Variants in SLC22A3 observed in about 807,000 individuals in gnomAD.
SLC22A3 encodes EMT organic cation transporter 3.
In SLC22A3, 51 loss-of-function variants were observed where a neutral mutation model predicts 59.1. The ratio of observed to expected loss-of-function variants is 0.86; its 90% confidence interval spans 0.69 to 1.09. The LOEUF (loss-of-function observed/expected upper bound fraction) is 1.09. SLC22A3 is among the 50% of genes least tolerant of loss of function. The probability of loss-of-function intolerance (pLI) is 0.00; values close to 1 mark genes in which losing one functional copy is unlikely to be tolerated. For synonymous variants in SLC22A3, 325 were observed against 292.0 expected (o/e 1.11, Z -1.15); for missense variants, 711 against 726.3 (o/e 0.98, Z 0.24).
chr6:160,415,565 A>G lies in SLC22A3; in HGVS notation c.975+4719A>G, dbSNP rs1408659240. On this transcript the variant is annotated intron_variant, in intron 5 of 10. Coordinates refer to ENST00000275300, the MANE Select transcript of SLC22A3 (RefSeq NM_021977.4). This position sits in a 1 kb window ranked among gnomAD's most constrained non-coding sequence, Gnocchi z 4.1. ...CAGACCCACGACTGAAGTTCCCAGCAATCTCTTTTTACTTTTCACAGAATC... is the reference window on the plus strand; with the variant it reads ...CAGACCCACGACTGAAGTTCCCAGCGATCTCTTTTTACTTTTCACAGAATC... Among the ~76,000 whole-genome samples, 1 of 152,172 alleles carries G rather than the reference A, an allele frequency of 6.6e-6. No individual in the cohort carries two copies. Among genetic ancestry groups the G allele is most frequent in the Non-Finnish European group, 1.5e-5 (1 of 68,032 alleles).
intron 1 of SLC22A3, among the ~76,000 whole-genome samples, chr6:160,383,167 G>A (rs369812011): frequency 7.4e-4 from 113 of 152,322 alleles, no homozygotes; most frequent in African/African-American, 2.4e-3. Context: ...TCAGCAGTTC[G>A]AGTGAACTTT....
chr6:160,410,502 T>C (rs1020260460), intron 4 of SLC22A3, among the ~76,000 whole-genome samples: 3 of 152,242 alleles, frequency 2.0e-5, no homozygotes, highest in African/African-American at 7.2e-5. Context: ...AGCAATGTCA[T>C]GTTGATTATT....
chr6:160,420,804 C>T (rs1787699219), intron 5 of SLC22A3, among the ~76,000 whole-genome samples: 3 of 152,210 alleles, frequency 2.0e-5, no homozygotes, highest in Admixed American at 2.0e-4. Flanking sequence ...TCCTCCCTGC[C>T]CATCCCATGG....
intron 1 of SLC22A3, among the ~76,000 whole-genome samples, chr6:160,390,405 G>A (rs74327931): frequency 2.6e-5 from 4 of 152,262 alleles, no homozygotes; most frequent in Non-Finnish European, 5.9e-5. Flanking sequence ...GAATATCTGT[G>A]TCTCAGAACA....
Position 160,348,387 on chromosome 6 carries a change from C to CGCGAGCT in SLC22A3, c.-30_-29insAGCTGCG, listed in dbSNP as rs57352961. On this transcript the variant is annotated 5_prime_UTR_variant, in exon 1 of 11. Transcript: ENST00000275300. Reference sequence around the variant, plus strand: ...GCTGGGTCCGCGGGTCACTCCGAGGCGCGGGCTGCGGGCGGCGGGCGGCGG... The same window carrying CGCGAGCT: ...GCTGGGTCCGCGGGTCACTCCGAGGCGCGAGCTGCGGGCTGCGGGCGGCGGGCGGCGG... The CGCGAGCT allele has an allele frequency of 2.4e-5, 34 of 1,427,206 alleles. No homozygotes were observed. The highest frequency in any genetic ancestry group is 2.9e-5 in the East Asian group (1 of 34,760). 88.4% of individuals were successfully genotyped at this position (1,427,206 alleles called of 1,614,324 possible).
At chr6:160,445,087 C>T (rs534118378) in intron 9 of SLC22A3, among the ~76,000 whole-genome samples, 7 of 152,168 alleles carry the variant, frequency 4.6e-5, no homozygotes, top group Non-Finnish European at 7.4e-5. Context: ...CCTGAGACTG[C>T]GAGGGGAGAC....
At chr6:160,400,325 C>T (rs1379333244) in intron 2 of SLC22A3, among the ~76,000 whole-genome samples, 1 of 151,982 alleles carries the variant, frequency 6.6e-6, no homozygotes, top group Non-Finnish European at 1.5e-5. Context: ...CAACTCCAGC[C>T]CCTTCTAGCC....
chr6:160,400,999 A>C (rs1409860586), intron 2 of SLC22A3, among the ~76,000 whole-genome samples: 1 of 151,034 alleles, frequency 6.6e-6, no homozygotes. Context: ...AAAAAAAAAA[A>C]AAAAAAACCC....
intron 2 of SLC22A3, among the ~76,000 whole-genome samples, chr6:160,398,461 A>G (rs1011802746): frequency 6.6e-6 from 1 of 152,248 alleles, no homozygotes; most frequent in African/African-American, 2.4e-5. Context: ...TAATTTAGTC[A>G]TAAGATTAGC....
At chr6:160,447,583 G>GATC in intron 9 of SLC22A3, 136 bp from the exon 10 acceptor site, 2 of 752,480 alleles carry the variant, frequency 2.7e-6, no homozygotes, top group Non-Finnish European at 4.8e-6. Context: ...CTGGGGCATT[G>GATC]ATCTGGGATG....
At chr6:160,414,783 C>T (rs1024013483) in intron 5 of SLC22A3, among the ~76,000 whole-genome samples, 4 of 152,208 alleles carry the variant, frequency 2.6e-5, no homozygotes, top group African/African-American at 9.6e-5. Flanking sequence ...TCAATTACCT[C>T]TCACTGGGTT....
At chr6:160,359,715 C>T (rs569709314) in intron 1 of SLC22A3, among the ~76,000 whole-genome samples, 21 of 152,280 alleles carry the variant, frequency 1.4e-4, no homozygotes, top group African/African-American at 5.1e-4. Flanking sequence ...ATAAAAACAA[C>T]AGAAAATTGG....
chr6:160,367,655 G>T (rs1258058561), intron 1 of SLC22A3, among the ~76,000 whole-genome samples: 1 of 152,150 alleles, frequency 6.6e-6, no homozygotes, highest in East Asian at 1.9e-4. Flanking sequence ...TTGTCATCCT[G>T]GAAGCCCTGC....
At chr6:160,407,535 G>A (rs1263240792) in intron 3 of SLC22A3, among the ~76,000 whole-genome samples, 1 of 152,044 alleles carries the variant, frequency 6.6e-6, no homozygotes, top group African/African-American at 2.4e-5. Flanking sequence ...AGGCATTTTT[G>A]AGGCATTTTT....
chr6:160,371,915 C>A (rs1426816041), intron 1 of SLC22A3, among the ~76,000 whole-genome samples: 1 of 152,160 alleles, frequency 6.6e-6, no homozygotes. Flanking sequence ...ATTTGCATTT[C>A]TCTAATGACC....
At chr6:160,432,432 A>ATT (rs35059975) in intron 5 of SLC22A3, among the ~76,000 whole-genome samples, 2,645 of 141,008 alleles carry the variant, frequency 0.019, 46 homozygotes, top group Middle Eastern at 0.037. Flanking sequence ...TGTAGGCTTA[A>ATT]TTTTTTTTTT....
chr6:160,381,207 C>T (rs3123634), intron 1 of SLC22A3, among the ~76,000 whole-genome samples: 70,621 of 152,012 alleles, frequency 0.46, 16,699 homozygotes, highest in East Asian at 0.56. Flanking sequence ...AGGAGCTGTT[C>T]TTATTCTATG....
At chr6:160,446,441 A>G (rs1788747960) in intron 9 of SLC22A3, among the ~76,000 whole-genome samples, 3 of 152,238 alleles carry the variant, frequency 2.0e-5, no homozygotes. Context: ...GGGAAGCCTC[A>G]GGAAACTTAC....
chr6:160,372,445 C>T (rs1327236218), intron 1 of SLC22A3, among the ~76,000 whole-genome samples: 1 of 152,144 alleles, frequency 6.6e-6, no homozygotes. Context: ...TCCTTCATTT[C>T]AACCTTGGTG....
Sources: gnomAD v4.1 joint callset for allele counts (sites outside exome capture counted in the v4.1 genomes callset) on GRCh38, gnomAD v4.1.1 for gene constraint, Gnocchi (gnomAD v3.1) non-coding constraint, MANE v1.5 for transcripts, NCBI Gene and HGNC (gene_info 2026-07-23, HGNC 2026-07-21) for gene names.